Variants in HSD17B6 observed in about 807,000 individuals in gnomAD.
HSD17B6 encodes the protein 17-beta-hydroxysteroid dehydrogenase type 6.
Under a neutral mutation model 26.4 loss-of-function variants are expected in HSD17B6, and 16 were observed. The observed-to-expected ratio is 0.61, with a 90% CI of 0.41 to 0.92. The LOEUF (loss-of-function observed/expected upper bound fraction) is 0.92. Among genes scored for constraint, HSD17B6 ranks in the 40% least tolerant of loss-of-function variants. The pLI, the probability that HSD17B6 is intolerant of heterozygous loss-of-function variation, is 0.00. For missense variants in HSD17B6, 357 were observed against 386.1 expected, an observed-to-expected ratio of 0.92 and a Z score of 0.63; for synonymous variants, 139 against 153.0, an observed-to-expected ratio of 0.91 and a Z score of 0.68.
intron 1 of HSD17B6, among the ~76,000 whole-genome samples, chr12:56,767,242 G>A (rs551458004): frequency 1.5e-3 from 225 of 152,202 alleles, no homozygotes; most frequent in African/African-American, 5.2e-3. Flanking sequence ...GCCAGGCGCG[G>A]TGGCTCACGC....
In HSD17B6 at chr12:56,787,245, A is replaced by G; in HGVS notation, c.857A>G (p.Asp286Gly). Residue 286 changes from aspartate to glycine, a missense_variant, in exon 5 of 5, where the codon GAT (aspartate) becomes GGT (glycine). By Grantham distance (94) the Asp-to-Gly change is moderately conservative. Transcript: ENST00000322165. ...CGAACTCGATATTCAGCTGGCTGGG[A>G]TGCTAAATTTTTCTTCATCCCTCTA... is the stretch of plus-strand genomic sequence containing the variant. ...HPRTRYSAGWDAKFFFIPLSY... is the reference protein window; with the variant it reads ...HPRTRYSAGWGAKFFFIPLSY... 6 of 1,614,112 alleles carry G rather than the reference A, an allele frequency of 3.7e-6. No homozygotes were observed. The highest frequency in any genetic ancestry group is 5.1e-6 in the Non-Finnish European group (6 of 1,179,964).
intron 1 of HSD17B6, among the ~76,000 whole-genome samples, chr12:56,767,963 G>A (rs543766933): frequency 3.4e-4 from 52 of 151,402 alleles, no homozygotes; most frequent in South Asian, 1.7e-3. Context: ...CCATGTGTGT[G>A]TGTGTGTGTA....
At chr12:56,785,432 A>C (rs921938866) in intron 4 of HSD17B6, among the ~76,000 whole-genome samples, 2 of 152,234 alleles carry the variant, frequency 1.3e-5, no homozygotes, top group African/African-American at 4.8e-5. Flanking sequence ...AGGGGAAAAG[A>C]GGGTTGGTGG....
chr12:56,770,098 G>A (rs1262148960), intron 1 of HSD17B6, among the ~76,000 whole-genome samples: 6 of 152,116 alleles, frequency 3.9e-5, no homozygotes, highest in East Asian at 1.9e-4. Flanking sequence ...AGAACACAGA[G>A]CTCTCAGATT....
At chr12:56,766,407 A>G (rs983323488) in intron 1 of HSD17B6, among the ~76,000 whole-genome samples, 1 of 152,076 alleles carries the variant, frequency 6.6e-6, no homozygotes, top group Non-Finnish European at 1.5e-5. Flanking sequence ...TGCTCTCACT[A>G]TTCCCTTTGC....
intron 3 of HSD17B6, among the ~76,000 whole-genome samples, chr12:56,784,134 G>C (rs1026406747): frequency 2.0e-5 from 3 of 151,510 alleles, no homozygotes; most frequent in Non-Finnish European, 2.9e-5. Context: ...CCGGGAAGAG[G>C]TGCTCCTCAC....
chr12:56,785,051 C>A (rs371584286), intron 4 of HSD17B6, 35 bp downstream of exon 4: 10 of 1,579,118 alleles, frequency 6.3e-6, no homozygotes, highest in African/African-American at 1.4e-5. Context: ...ATAATGGGTA[C>A]CCTGTATTAG....
In HSD17B6 at chr12:56,774,063, G is replaced by A; in HGVS notation, c.211G>A (p.Gly71Ser). 2 of 1,614,128 alleles carry A rather than the reference G, an allele frequency of 1.2e-6. No individual in the cohort carries two copies. Among genetic ancestry groups the A allele is most frequent in the Non-Finnish European group, 1.7e-6 (2 of 1,179,970 alleles). ...GGAGAAGGGGGCCGAGCAGCTGAGG[G>A]GCCAGACGTCTGACAGGCTGGAGAC... is the stretch of plus-strand genomic sequence containing the variant. Reference protein sequence around the residue: ...LTEKGAEQLRGQTSDRLETVT... With the variant: ...LTEKGAEQLRSQTSDRLETVT... Residue 71 changes from glycine (G) to serine (S), a missense_variant, in exon 2 of 5, where the codon GGC (glycine) becomes AGC (serine). Physicochemically the swap from Gly to Ser is moderately conservative, Grantham distance 56. Coordinates refer to ENST00000322165, the MANE Select transcript of HSD17B6 (RefSeq NM_003725.4).
chr12:56,775,657 A>T (rs1954575847), intron 2 of HSD17B6, among the ~76,000 whole-genome samples: 1 of 151,544 alleles, frequency 6.6e-6, no homozygotes, highest in Non-Finnish European at 1.5e-5. Flanking sequence ...TTTTTTTGAG[A>T]CAGAGTTGTT....
At chr12:56,783,337 C>T (rs1400727451) in intron 3 of HSD17B6, among the ~76,000 whole-genome samples, 2 of 140,304 alleles carry the variant, frequency 1.4e-5, no homozygotes, top group East Asian at 2.3e-4. Flanking sequence ...ACCTCCCTCC[C>T]GGACGGGGCG....
At chr12:56,767,804 GTATA>G (rs972295677) in intron 1 of HSD17B6, among the ~76,000 whole-genome samples, 3 of 145,586 alleles carry the variant, frequency 2.1e-5, no homozygotes, top group African/African-American at 7.5e-5. Flanking sequence ...ATATATGTGT[GTATA>G]TATAATATAT....
chr12:56,768,637 G>C (rs1186419589), intron 1 of HSD17B6, among the ~76,000 whole-genome samples: 2 of 152,010 alleles, frequency 1.3e-5, no homozygotes. Flanking sequence ...TCTGTGGAAG[G>C]AGAGCTAGGT....
intron 2 of HSD17B6, among the ~76,000 whole-genome samples, chr12:56,776,998 CCTT>C (rs1193940392): frequency 2.6e-5 from 4 of 152,178 alleles, no homozygotes; most frequent in Admixed American, 2.6e-4. Flanking sequence ...ACCTTCTTCT[CCTT>C]CTCCCTTGGT....
At chr12:56,782,584 C>T (rs866828348) in intron 3 of HSD17B6, among the ~76,000 whole-genome samples, 1 of 152,076 alleles carries the variant, frequency 6.6e-6, no homozygotes, top group East Asian at 1.9e-4. Flanking sequence ...GCCTCAACCT[C>T]CTGGGCTCAA....
chr12:56,786,280 C>T lies in HSD17B6; in HGVS notation c.737-845C>T, dbSNP rs552556902. 8.4e-5 allele frequency among the ~76,000 whole-genome samples: 12 copies of T among 142,872 alleles called. No individual in the cohort carries two copies. The South Asian group carries it at 8.9e-4, about 11-fold the overall frequency. The allele number at this position is 142,872 out of a possible 152,430, so 93.7% of individuals were successfully genotyped here. Reference sequence around the variant, plus strand: ...TTTTTTTTTTTTTGAGACAGAGTCTCGCTCTGTCACCCAGGCTGGAGTGCA... The same window carrying T: ...TTTTTTTTTTTTTGAGACAGAGTCTTGCTCTGTCACCCAGGCTGGAGTGCA... On this transcript the variant is annotated intron_variant, in intron 4 of 4. Coordinates refer to ENST00000322165, the MANE Select transcript of HSD17B6 (RefSeq NM_003725.4).
At chr12:56,773,079 C>T (rs1555232052) in intron 1 of HSD17B6, among the ~76,000 whole-genome samples, 1 of 152,160 alleles carries the variant, frequency 6.6e-6, no homozygotes, top group Non-Finnish European at 1.5e-5. Context: ...CATATAGAAA[C>T]ATAGGCATCT....
At chr12:56,782,358 C>A (rs1225149131) in intron 3 of HSD17B6, 126 bp downstream of exon 3, 2 of 933,994 alleles carry the variant, frequency 2.1e-6, no homozygotes, top group Non-Finnish European at 3.1e-6. Context: ...TATTACTAGT[C>A]TATTTTATAT....
intron 2 of HSD17B6, among the ~76,000 whole-genome samples, chr12:56,780,297 T>C (rs1262961171): frequency 2.0e-5 from 3 of 152,256 alleles, no homozygotes; most frequent in African/African-American, 7.2e-5. Flanking sequence ...GAATAAATAG[T>C]GACTTCTCTT....
At chr12:56,784,038 G>A (rs1462125636) in intron 3 of HSD17B6, among the ~76,000 whole-genome samples, 7 of 151,788 alleles carry the variant, frequency 4.6e-5, no homozygotes, top group South Asian at 2.1e-4. Context: ...CATCCCAGAC[G>A]GGGTGGCGGG....
Sources: allele counts gnomAD v4.1 joint callset (sites outside exome capture counted in the v4.1 genomes callset), GRCh38; gene constraint gnomAD v4.1.1; transcripts MANE v1.5; gene names NCBI Gene and HGNC (gene_info 2026-07-23, HGNC 2026-07-21).